The following CTRB2 variants were observed in gnomAD, a reference collection of about 807,000 sequenced individuals.
CTRB2 encodes the protein chymotrypsinogen B2.
In CTRB2, 9 loss-of-function variants were observed where a neutral mutation model predicts 19.3. The observed-to-expected ratio is 0.47, with a 90% CI of 0.28 to 0.81. CTRB2 has a LOEUF of 0.81. Among genes scored for constraint, CTRB2 ranks in the 40% least tolerant of loss-of-function variants. The pLI is 0.11. For synonymous variants in CTRB2, 98 were observed against 117.3 expected, an observed-to-expected ratio of 0.84 and a Z score of 1.06; for missense variants, 210 against 269.7, an observed-to-expected ratio of 0.78 and a Z score of 1.55.
intron 1 of CTRB2, 24 bp downstream of exon 1, chr16:75,207,066 G>A (rs1352020364): frequency 6.4e-7 from 1 of 1,550,492 alleles, no homozygotes; most frequent in East Asian, 2.4e-5. Flanking sequence ...AAACCCTTCG[G>A]CCTCCGCAGG....
intron 6 of CTRB2, 86 bp from the exon 7 acceptor site, chr16:75,204,408 T>A (rs1403675257): frequency 7.5e-7 from 1 of 1,327,402 alleles, no homozygotes; most frequent in African/African-American, 1.5e-5. Flanking sequence ...TAGGGAGGGG[T>A]GCGGAGAAAT....
chr16:75,206,420 C>G, intron 1 of CTRB2: 1 of 583,882 alleles, frequency 1.7e-6, no homozygotes, highest in Non-Finnish European at 3.0e-6. Context: ...GGTGTTGGCC[C>G]CACCTCAGTT....
In CTRB2 at chr16:75,204,294, T is replaced by C. The variant is rs758515615; in HGVS notation, c.659A>G (p.Gln220Arg). Residue 220 changes from glutamine (Q) to arginine (R), a missense_variant, in exon 7 of 7, where the codon CAG (glutamine) becomes CGG (arginine). Coordinates refer to ENST00000303037, the MANE Select transcript of CTRB2 (RefSeq NM_001025200.4). The stretch of plus-strand genomic sequence containing the variant: ...CACCAGGGTCCAGGCTCCGTCCTTC[T>C]GGCAGACCAGGGGGCCTCCAGAGTC... ...MGDSGGPLVC[Q>R]KDGAWTLVGI... 6.2e-7 allele frequency: 1 copy of C among 1,614,040 alleles called. No homozygotes were observed. The highest frequency in any genetic ancestry group is 1.1e-5 in the South Asian group (1 of 91,074).
intron 6 of CTRB2, 173 bp downstream of exon 6, chr16:75,204,600 C>A (rs8048891): frequency 8.3e-6 from 11 of 1,323,486 alleles, no homozygotes; most frequent in African/African-American, 1.5e-5. Flanking sequence ...CAGGGGCAGC[C>A]TCAGCTGCAT....
chr16:75,204,525 C>G (rs1048746419), intron 6 of CTRB2, among the ~76,000 whole-genome samples: 2 of 152,140 alleles, frequency 1.3e-5, no homozygotes, highest in Non-Finnish European at 2.9e-5. Context: ...GGTGGCTTCC[C>G]TCTCTAAGCC....
At position 75,204,298 on chromosome 16, in the gene CTRB2, A is replaced by G; in HGVS notation, c.655T>C (p.Cys219Arg). 1.2e-6 allele frequency: 2 copies of G among 1,614,122 alleles called. No homozygotes were observed. Among genetic ancestry groups the G allele is most frequent in the Non-Finnish European group, 1.7e-6 (2 of 1,180,016 alleles). The part of the protein sequence containing the change: ...CMGDSGGPLV[C>R]QKDGAWTLVG... ...AGGGTCCAGGCTCCGTCCTTCTGGC[A>G]GACCAGGGGGCCTCCAGAGTCACCC... The change falls in exon 7 of 7, where the codon TGC (cysteine) becomes CGC (arginine). Residue 219 changes from cysteine (C) to arginine (R), a missense_variant. By Grantham distance (180) the Cys-to-Arg change is radical. Around this residue, in one of 4 missense-constraint regions of CTRB2, gnomAD observed 120 missense variants for 90.8 expected, o/e 1.32. Transcript: ENST00000303037.
In CTRB2 at chr16:75,206,159, G is replaced by A. The variant is rs375874393; in HGVS notation, c.87C>T (p.Ser29=). ...CGVPAIHPVL[S]GLSRIVNGED... ...CCCCATTCACGATCCTGGACAGGCCGCTGAGCACAGGGTGGATGGCGGGGA... is the reference window on the plus strand; with the variant it reads ...CCCCATTCACGATCCTGGACAGGCCACTGAGCACAGGGTGGATGGCGGGGA... Residue 29 remains serine (S), a synonymous_variant, in exon 2 of 7, where the codon AGC becomes AGT. Coordinates refer to ENST00000303037, the MANE Select transcript of CTRB2 (RefSeq NM_001025200.4). The A allele has an allele frequency of 6.5e-5, 101 of 1,552,734 alleles. No individual in the cohort carries two copies. The highest frequency in any genetic ancestry group is 5.3e-4 in the African/African-American group (39 of 73,276).
intron 6 of CTRB2, 68 bp downstream of exon 6, chr16:75,204,705 G>A (rs1015400560): frequency 6.5e-6 from 10 of 1,541,468 alleles, no homozygotes; most frequent in Non-Finnish European, 7.9e-6. Context: ...GAGCAGAGAG[G>A]GGTGGAAAGC....
chr16:75,206,126 G>A lies in CTRB2; in HGVS notation c.120C>T (p.Ala40=), dbSNP rs550543246. 1.2e-5 allele frequency: 18 copies of A among 1,540,418 alleles called. No homozygotes were observed. Among genetic ancestry groups the A allele is most frequent in the Admixed American group, 4.0e-5 (2 of 50,430 alleles). The change falls in exon 2 of 7, where the codon GCC becomes GCT. Residue 40 remains alanine (A), a synonymous_variant. Coordinates refer to ENST00000303037, the MANE Select transcript of CTRB2 (RefSeq NM_001025200.4). ...GLSRIVNGED[A]VPGSWPWQVS... ...CCTGCCAGGGCCAGGAGCCGGGGACGGCGTCCTCCCCATTCACGATCCTGG... is the reference window on the plus strand; with the variant it reads ...CCTGCCAGGGCCAGGAGCCGGGGACAGCGTCCTCCCCATTCACGATCCTGG...
At position 75,204,175 on chromosome 16, in the gene CTRB2, G is replaced by C. The variant is rs1356671477; in HGVS notation, c.778C>G (p.Leu260Val). ...GAGCTGCGGGCTCAGTTGGCGGCCA[G>C]GATCTTCTGCACCCAGGGTATGAGC... is the stretch of plus-strand genomic sequence containing the variant. ...AKLIPWVQKI[L>V]AAN Residue 260 changes from leucine to valine, a missense_variant, in exon 7 of 7, where the codon CTG becomes GTG. Leu to Val is a conservative substitution (Grantham distance 32). Coordinates refer to ENST00000303037, the MANE Select transcript of CTRB2 (RefSeq NM_001025200.4). 2 of 1,613,998 alleles carry C rather than the reference G, an allele frequency of 1.2e-6. No homozygotes were observed. Among genetic ancestry groups the C allele is most frequent in the African/African-American group, 1.3e-5 (1 of 74,894 alleles).
In CTRB2 at chr16:75,205,986, T is replaced by G; in HGVS notation, c.163A>C (p.Thr55Pro). 2.1e-6 allele frequency: 2 copies of G among 969,554 alleles called. No homozygotes were observed. 60.1% of individuals were successfully genotyped at this position (969,554 alleles called of 1,614,324 possible). A position where few individuals can be genotyped will look rare whatever the true frequency, so the allele number is the denominator to read the frequency against. The change falls in exon 3 of 7, where the codon ACC becomes CCC. Residue 55 changes from threonine (T) to proline (P), a missense_variant. Coordinates refer to ENST00000303037, the MANE Select transcript of CTRB2 (RefSeq NM_001025200.4). Reference protein sequence around the residue: ...WPWQVSLQDKTGFHFCGGSLI... With the variant: ...WPWQVSLQDKPGFHFCGGSLI... ...GAGCCCCCGCAGAAGTGGAAGCCGGTTTTGTCCTGTGAGCAAGATGGGGAG... is the reference window on the plus strand; with the variant it reads ...GAGCCCCCGCAGAAGTGGAAGCCGGGTTTGTCCTGTGAGCAAGATGGGGAG...
Position 75,204,160 on chromosome 16 carries a change from C to G in CTRB2, c.*1G>C, listed in dbSNP as rs2038865425. 6.2e-7 allele frequency: 1 copy of G among 1,613,988 alleles called. No homozygotes were observed. Among genetic ancestry groups the G allele is most frequent in the Non-Finnish European group, 8.5e-7 (1 of 1,180,020 alleles). On this transcript the variant is annotated 3_prime_UTR_variant, in exon 7 of 7. Transcript: ENST00000303037. ...AGGCAGGGGTGGCAGGAGCTGCGGG[C>G]TCAGTTGGCGGCCAGGATCTTCTGC...
chr16:75,204,892 CA>C lies in CTRB2; in HGVS notation c.510del (p.Asp171ThrfsTer27). ...GGCAGGGCTGCCTGCTGCAGCTTGT[CA>C]GGGGTCTTGTTGGCTGCAGGACAGG... ...GKTKYNANKT[P>X]DKLQQAALPL... On this transcript the variant is annotated frameshift_variant, in exon 6 of 7. Coordinates refer to ENST00000303037, the MANE Select transcript of CTRB2 (RefSeq NM_001025200.4). LOFTEE classifies it high-confidence loss of function. 8.9e-7 allele frequency: 1 copy of C among 1,121,808 alleles called. No homozygotes were observed. The highest frequency in any genetic ancestry group is 1.3e-6 in the Non-Finnish European group (1 of 796,164). 69.5% of individuals were successfully genotyped at this position (1,121,808 alleles called of 1,614,324 possible). A position where few individuals can be genotyped will look rare whatever the true frequency, so the allele number is the denominator to read the frequency against.
In CTRB2 at chr16:75,206,179, C is replaced by T. The variant is rs374627017; in HGVS notation, c.67G>A (p.Ala23Thr). 9 of 1,555,944 alleles carry T rather than the reference C, an allele frequency of 5.8e-6. No homozygotes were observed. The highest frequency in any genetic ancestry group is 1.7e-4 in the Middle Eastern group (1 of 5,930). Residue 23 changes from alanine to threonine, a missense_variant, in exon 2 of 7, where the codon GCC becomes ACC. By Grantham distance (58) the Ala-to-Thr change is moderately conservative (BLOSUM62 0). Transcript: ENST00000303037. ...LGTTFGCGVP[A>T]IHPVLSGLSR... is the part of the protein sequence containing the mutation. ...AGGCCGCTGAGCACAGGGTGGATGG[C>T]GGGGACCCCGCAGCCTGGGGGCGGG...
intron 5 of CTRB2, 38 bp from the exon 6 acceptor site, chr16:75,204,944 C>T (rs2038876779): frequency 2.7e-6 from 2 of 736,556 alleles, no homozygotes; most frequent in Non-Finnish European, 4.1e-6. Context: ...CCTGGGCTCA[C>T]TCAGCCAAGA....
Position 75,204,774 on chromosome 16 carries a change from A to G in CTRB2, c.629T>C (p.Met210Thr), listed in dbSNP as rs1160864626. The G allele has an allele frequency of 1.5e-6, 2 of 1,366,670 alleles. No homozygotes were observed. The highest frequency in any genetic ancestry group is 1.4e-5 in the South Asian group (1 of 70,074). 84.7% of individuals were successfully genotyped at this position (1,366,670 alleles called of 1,614,324 possible). Residue 210 changes from methionine (M) to threonine (T), a missense_variant and splice_region_variant, in exon 6 of 7, where the codon ATG becomes ACG. Physicochemically the swap from Met to Thr is moderately conservative, Grantham distance 81. Around this residue, in one of 4 missense-constraint regions of CTRB2, gnomAD observed 120 missense variants for 90.8 expected, o/e 1.32. Coordinates refer to ENST00000303037, the MANE Select transcript of CTRB2 (RefSeq NM_001025200.4). ...GGGCCTGGGCAGGGCCAGCCTCACC[A>G]TGCAGGAGGAGACGCCACTGGCCCC... is the stretch of plus-strand genomic sequence containing the variant. The part of the protein sequence containing the change: ...CAGASGVSSC[M>T]GDSGGPLVCQ...
intron 1 of CTRB2, 138 bp downstream of exon 1, chr16:75,206,952 A>T (rs569173037): frequency 1.2e-6 from 1 of 819,036 alleles, no homozygotes; most frequent in African/African-American, 1.7e-5. Context: ...CACGGCAGAG[A>T]TGGAGCCGGT....
chr16:75,206,998 ACTGGGAGCTGGGACC>A, intron 1 of CTRB2, 77 bp downstream of exon 1: 1 of 1,234,562 alleles, frequency 8.1e-7, no homozygotes, highest in Admixed American at 2.0e-5. Flanking sequence ...GCACAGCTGA[ACTGGGAGCTGGGACC>A]CTGCTGCCTC....
chr16:75,204,308 G>T lies in CTRB2; in HGVS notation c.645C>A (p.Gly215=), dbSNP rs200914367. 109 of 1,613,902 alleles carry T rather than the reference G, an allele frequency of 6.8e-5. No individual in the cohort carries two copies. Among genetic ancestry groups the T allele is most frequent in the Admixed American group, 1.2e-4 (7 of 59,982 alleles). ...CTCCGTCCTTCTGGCAGACCAGGGG[G>T]CCTCCAGAGTCACCCTGCAGGAAGG... ...GVSSCMGDSG[G]PLVCQKDGAW... is the part of the protein sequence containing the mutation. Residue 215 remains glycine, a synonymous_variant, in exon 7 of 7, where the codon GGC becomes GGA. Coordinates refer to ENST00000303037, the MANE Select transcript of CTRB2 (RefSeq NM_001025200.4).
Sources: allele counts gnomAD v4.1 joint callset (sites outside exome capture counted in the v4.1 genomes callset), GRCh38; gene constraint gnomAD v4.1.1; regional missense constraint gnomAD v4.1.1; transcripts MANE v1.5; gene names NCBI Gene and HGNC (gene_info 2026-07-23, HGNC 2026-07-21).